The following PIGL variants were observed in gnomAD, a reference collection of about 807,000 sequenced individuals.
PIGL encodes N-acetylglucosaminyl-phosphatidylinositol de-N-acetylase.
A neutral mutation model predicts 31.1 loss-of-function variants in PIGL; 22 were observed. The observed-to-expected ratio is 0.71, with a 90% CI of 0.51 to 1.01. The LOEUF is 1.01. Ranked by LOEUF, PIGL falls within the 50% of genes least tolerant of loss-of-function variation. PIGL has a pLI of 0.00. For synonymous variants in PIGL, 131 were observed against 117.4 expected, an observed-to-expected ratio of 1.12 and a Z score of -0.75; for missense variants, 302 against 315.9, an observed-to-expected ratio of 0.96 and a Z score of 0.33.
intron 2 of PIGL, among the ~76,000 whole-genome samples, chr17:16,289,645 G>A (rs962619125): frequency 2.0e-5 from 3 of 152,212 alleles, no homozygotes; most frequent in African/African-American, 7.2e-5. Context: ...ACCATTCCCT[G>A]TAGAGCTGCA....
intron 2 of PIGL, among the ~76,000 whole-genome samples, chr17:16,261,343 A>G (rs570344457): frequency 6.6e-6 from 1 of 152,308 alleles, no homozygotes; most frequent in African/African-American, 2.4e-5. Context: ...CTGGCGAAGC[A>G]ACACCCCAAG....
intron 2 of PIGL, among the ~76,000 whole-genome samples, chr17:16,242,146 T>C (rs913470964): frequency 6.6e-6 from 1 of 152,132 alleles, no homozygotes; most frequent in African/African-American, 2.4e-5. Flanking sequence ...CTCTAACTTC[T>C]GGGCTCAAGC....
At chr17:16,217,630 C>CACTCCACTT in intron 1 of PIGL, 169 bp downstream of exon 1, 2 of 540,662 alleles carry the variant, frequency 3.7e-6, no homozygotes, top group Non-Finnish European at 6.4e-6. Context: ...GGCCGGCTTA[C>CACTCCACTT]CTGGTGGGTT....
intron 2 of PIGL, among the ~76,000 whole-genome samples, chr17:16,285,199 A>G (rs2092932221): frequency 6.6e-6 from 1 of 152,208 alleles, no homozygotes; most frequent in Non-Finnish European, 1.5e-5. Context: ...AATAATATGA[A>G]ATGCATCTTT....
Position 16,233,978 on chromosome 17 carries a change from C to G in PIGL, c.243C>G (p.Tyr81Ter), listed in dbSNP as rs934532870. The change falls in exon 2 of 7, where the codon TAC (tyrosine) becomes TAG (stop). Residue 81 changes from tyrosine to a stop codon, truncating the protein, a stop_gained. Coordinates refer to ENST00000225609, the MANE Select transcript of PIGL (RefSeq NM_004278.4). LOFTEE classifies it high-confidence loss of function. ...VYLLCFSAGN[Y>*]YNQGETRKKE... ...TATATTTGTTACCCTCAGGAAATTACTACAATCAAGGAGAGACTCGTAAGA... is the reference window on the plus strand; with the variant it reads ...TATATTTGTTACCCTCAGGAAATTAGTACAATCAAGGAGAGACTCGTAAGA... 6.9e-6 allele frequency: 11 copies of G among 1,596,328 alleles called. No homozygotes were observed. Among genetic ancestry groups the G allele is most frequent in the Admixed American group, 1.7e-5 (1 of 59,734 alleles).
chr17:16,260,196 G>T (rs1296249953), intron 2 of PIGL, among the ~76,000 whole-genome samples: 1 of 152,198 alleles, frequency 6.6e-6, no homozygotes, highest in Non-Finnish European at 1.5e-5. Flanking sequence ...TGGACACTTG[G>T]ATGGCAGATT....
chr17:16,217,543 C>A, intron 1 of PIGL, 82 bp downstream of exon 1: 2 of 1,101,818 alleles, frequency 1.8e-6, no homozygotes, highest in Non-Finnish European at 2.7e-6. Context: ...GCCTTCTTCT[C>A]GAAGTTTTCC....
intron 2 of PIGL, among the ~76,000 whole-genome samples, chr17:16,238,325 A>C (rs2092708286): frequency 1.3e-5 from 2 of 151,970 alleles, no homozygotes. Flanking sequence ...TGATGCCTGC[A>C]ATTTACTTTA....
At chr17:16,263,512 T>G (rs1414994740) in intron 2 of PIGL, among the ~76,000 whole-genome samples, 2 of 150,236 alleles carry the variant, frequency 1.3e-5, no homozygotes, top group African/African-American at 5.0e-5. Flanking sequence ...TTGTTTGTTT[T>G]GTTTAGGTTT....
intron 2 of PIGL, among the ~76,000 whole-genome samples, chr17:16,258,120 AG>A (rs1204081534): frequency 4.0e-5 from 5 of 125,886 alleles, no homozygotes; most frequent in Non-Finnish European, 8.9e-5. Context: ...AGAGAGAGAG[AG>A]AGAAAGAGAG....
chr17:16,300,616 G>T (rs1189708681), intron 3 of PIGL, among the ~76,000 whole-genome samples: 1 of 151,832 alleles, frequency 6.6e-6, no homozygotes, highest in Non-Finnish European at 1.5e-5. Context: ...GGAGGCAGAG[G>T]TTGCAATGCG....
chr17:16,316,234 C>T (rs746857054), intron 4 of PIGL, among the ~76,000 whole-genome samples: 1 of 152,084 alleles, frequency 6.6e-6, no homozygotes, highest in Non-Finnish European at 1.5e-5. Context: ...CTTAAGGTGG[C>T]GAGCACAGAA....
At chr17:16,303,405 G>A (rs1232011866) in intron 3 of PIGL, among the ~76,000 whole-genome samples, 2 of 152,156 alleles carry the variant, frequency 1.3e-5, no homozygotes, top group Non-Finnish European at 2.9e-5. Flanking sequence ...TCCCTGCCTG[G>A]AAGTCTTTCC....
intron 2 of PIGL, among the ~76,000 whole-genome samples, chr17:16,257,154 T>C (rs12945959): frequency 0.48 from 73,300 of 151,846 alleles, 18,122 homozygotes; most frequent in Middle Eastern, 0.55. Flanking sequence ...CGGTGGCTCA[T>C]GCCTGTAATC....
chr17:16,311,463 C>CTTTATTTTTTTTTTTTTTT (rs1313783180), intron 3 of PIGL, among the ~76,000 whole-genome samples: 1 of 5,826 alleles, frequency 1.7e-4, no homozygotes, highest in East Asian at 5.0e-3. Context: ...CAGAGGTTTT[C>CTTTATTTTTTTTTTTTTTT]TTTCTTTTTT....
chr17:16,224,256 C>T lies in PIGL; in HGVS notation c.235+6795C>T, dbSNP rs770856597. Reference sequence around the variant, plus strand: ...AGAAAGCTACACTATATTATAGAAGCGCTATTATCTGATATGAATAGTCTT... The same window carrying T: ...AGAAAGCTACACTATATTATAGAAGTGCTATTATCTGATATGAATAGTCTT... On this transcript the variant is annotated intron_variant, in intron 1 of 6. Coordinates refer to ENST00000225609, the MANE Select transcript of PIGL (RefSeq NM_004278.4). Among the ~76,000 whole-genome samples the T allele has an allele frequency of 6.6e-5, 10 of 151,982 alleles. No homozygotes were observed. The South Asian group carries it at 8.3e-4, about 13-fold the overall frequency.
At chr17:16,219,019 G>A (rs2092612890) in intron 1 of PIGL, among the ~76,000 whole-genome samples, 1 of 148,978 alleles carries the variant, frequency 6.7e-6, no homozygotes, top group African/African-American at 2.5e-5. Context: ...GAGAGTATCT[G>A]TCTTAATATA....
intron 2 of PIGL, among the ~76,000 whole-genome samples, chr17:16,236,749 G>A (rs1360618246): frequency 6.6e-6 from 1 of 151,896 alleles, no homozygotes; most frequent in Non-Finnish European, 1.5e-5. Flanking sequence ...TATATTTTTA[G>A]TAGAGACAGG....
chr17:16,273,141 T>C (rs1408268311), intron 2 of PIGL, among the ~76,000 whole-genome samples: 2 of 152,230 alleles, frequency 1.3e-5, no homozygotes, highest in African/African-American at 4.8e-5. Context: ...CTCAAGGAGC[T>C]TGCAGTCTAG....
Sources: allele counts gnomAD v4.1 joint callset (sites outside exome capture counted in the v4.1 genomes callset), GRCh38; gene constraint gnomAD v4.1.1; transcripts MANE v1.5; gene names NCBI Gene and HGNC (gene_info 2026-07-23, HGNC 2026-07-21).